The following ZFAT variants were observed in gnomAD, a reference collection of about 807,000 sequenced individuals.
The protein encoded by ZFAT is zinc finger and AT-hook domain containing.
ZFAT carries 64 observed loss-of-function variants against 117.7 expected under a neutral mutation model. The observed-to-expected ratio is 0.54, with a 90% confidence interval of 0.44 to 0.67. The LOEUF (loss-of-function observed/expected upper bound fraction) is 0.67. Ranked by LOEUF, ZFAT falls within the 30% of genes least tolerant of loss-of-function variation. The pLI is 0.00. For missense variants in ZFAT, 1,433 were observed against 1,584.5 expected (o/e 0.90, Z 1.62); for synonymous variants, 679 against 615.0 (o/e 1.10, Z -1.54).
At chr8:134,782,868 G>C in the ZFAT span, among the ~76,000 whole-genome samples, 1 of 151,868 alleles carries the variant, frequency 6.6e-6, no homozygotes, top group Non-Finnish European at 1.5e-5. Context: ...CTCTTTTTAA[G>C]AAACAAAAAT....
intron 1 of ZFAT, among the ~76,000 whole-genome samples, chr8:134,703,295 A>T (rs1469863736): frequency 2.6e-5 from 4 of 152,220 alleles, no homozygotes; most frequent in African/African-American, 9.7e-5. Flanking sequence ...ATTTTTATAC[A>T]TTCTTCTGTT....
At chr8:134,755,409 C>CAA in the ZFAT span, among the ~76,000 whole-genome samples, 7 of 55,170 alleles carry the variant, frequency 1.3e-4, no homozygotes, top group South Asian at 6.6e-4. Context: ...GACTCTGTCT[C>CAA]AAAAAAAAAA....
intron 2 of ZFAT, among the ~76,000 whole-genome samples, chr8:134,653,950 C>T (rs185154524): frequency 1.6e-3 from 244 of 152,260 alleles, no homozygotes; most frequent in African/African-American, 5.6e-3. Context: ...ACTTGGAGAG[C>T]AGTTAGAAAA....
intron 15 of ZFAT, among the ~76,000 whole-genome samples, chr8:134,503,531 G>T (rs1296532363): frequency 6.6e-6 from 1 of 152,122 alleles, no homozygotes; most frequent in East Asian, 1.9e-4. Context: ...CAGATATTCG[G>T]TCATACATTA....
intron 3 of ZFAT, among the ~76,000 whole-genome samples, chr8:134,615,350 C>T (rs1173065986): frequency 6.6e-6 from 1 of 152,122 alleles, no homozygotes; most frequent in South Asian, 2.1e-4. Flanking sequence ...TCCCATCCAG[C>T]TGATTTTTGT....
At chr8:134,630,907 T>C (rs1013053683) in intron 3 of ZFAT, among the ~76,000 whole-genome samples, 3 of 152,248 alleles carry the variant, frequency 2.0e-5, no homozygotes, top group African/African-American at 7.2e-5. Flanking sequence ...TAGACTGCTC[T>C]TGACAGAGCA....
chr8:134,648,809 C>A (rs1413692775), intron 2 of ZFAT, among the ~76,000 whole-genome samples: 1 of 151,942 alleles, frequency 6.6e-6, no homozygotes, highest in African/African-American at 2.4e-5. Context: ...TACCCTGAAA[C>A]CAAAACCAAA....
chr8:134,508,152 T>C (rs1261607223), intron 15 of ZFAT, among the ~76,000 whole-genome samples: 5 of 152,238 alleles, frequency 3.3e-5, no homozygotes, highest in African/African-American at 4.8e-5. Context: ...AACATTCATC[T>C]AGATATGCTA....
At chr8:134,824,683 TTCA>T in the ZFAT span, among the ~76,000 whole-genome samples, 12 of 152,342 alleles carry the variant, frequency 7.9e-5, no homozygotes, top group Admixed American at 6.5e-4. Flanking sequence ...CTAGTAGTTG[TTCA>T]TCAATTACAG....
In ZFAT at chr8:134,582,378, C is replaced by T. The variant is rs147764719; in HGVS notation, c.2887+1454G>A. Among the ~76,000 whole-genome samples the T allele has an allele frequency of 4.5e-3, 690 of 152,346 alleles. 3 individuals are homozygous for T. The highest frequency in any genetic ancestry group is 0.02 in the South Asian group (96 of 4,830). ...TACTGGATACTCCAGGCTTCCCTGCCTCTGGGGACAGCTGCTCTTCATTAC... is the reference window on the plus strand; with the variant it reads ...TACTGGATACTCCAGGCTTCCCTGCTTCTGGGGACAGCTGCTCTTCATTAC... On this transcript the variant is annotated intron_variant, in intron 10 of 15. Transcript: ENST00000377838.
intron 5 of ZFAT, among the ~76,000 whole-genome samples, chr8:134,605,373 C>T (rs1472195045): frequency 5.9e-5 from 9 of 151,962 alleles, no homozygotes; most frequent in African/African-American, 2.2e-4. Flanking sequence ...GGTGAAACCC[C>T]GTCTCTACTA....
At chr8:134,526,762 G>T (rs1053416040) in intron 12 of ZFAT, among the ~76,000 whole-genome samples, 8 of 152,166 alleles carry the variant, frequency 5.3e-5, no homozygotes, top group African/African-American at 1.9e-4. Context: ...GCTCAGGTAA[G>T]CCAAAGCTTC....
At chr8:134,500,224 A>C (rs1032740505) in intron 15 of ZFAT, among the ~76,000 whole-genome samples, 5 of 152,250 alleles carry the variant, frequency 3.3e-5, no homozygotes, top group African/African-American at 1.2e-4. Context: ...GCCTTGGCTA[A>C]GGACATGGGT....
At chr8:134,685,512 A>C (rs781487273) in intron 1 of ZFAT, among the ~76,000 whole-genome samples, 15 of 152,212 alleles carry the variant, frequency 9.9e-5, no homozygotes, top group Non-Finnish European at 1.6e-4. Flanking sequence ...AATTTACTAC[A>C]GCAATTCATT....
intron 2 of ZFAT, among the ~76,000 whole-genome samples, chr8:134,652,253 C>CGA (rs772490923): frequency 6.6e-6 from 1 of 152,130 alleles, no homozygotes; most frequent in Non-Finnish European, 1.5e-5. Context: ...GGCAAATGAG[C>CGA]GAGACTCTGT....
At chr8:134,537,935 G>A (rs1821958321) in intron 11 of ZFAT, among the ~76,000 whole-genome samples, 1 of 152,132 alleles carries the variant, frequency 6.6e-6, no homozygotes, top group Non-Finnish European at 1.5e-5. Context: ...GGCAAGGAAG[G>A]CCACCAGCAA....
intron 1 of ZFAT, among the ~76,000 whole-genome samples, chr8:134,661,174 G>A (rs1329830017): frequency 1.3e-5 from 2 of 152,262 alleles, no homozygotes; most frequent in East Asian, 3.8e-4. Flanking sequence ...CTGCAGGGCA[G>A]TGAAACTCCA....
chr8:134,735,860 C>T, the ZFAT span, among the ~76,000 whole-genome samples: 60 of 152,042 alleles, frequency 3.9e-4, no homozygotes, highest in South Asian at 4.2e-3. Context: ...GCTAGTGTTA[C>T]GCAAAATAAA....
intron 1 of ZFAT, among the ~76,000 whole-genome samples, 185 bp downstream of exon 1, chr8:134,712,660 T>C (rs1406490314): frequency 2.8e-5 from 4 of 140,836 alleles, no homozygotes; most frequent in Non-Finnish European, 4.5e-5. Context: ...CCCCAGCGAC[T>C]GAACGTGAGC....
Sources: gnomAD v4.1 joint callset for allele counts (sites outside exome capture counted in the v4.1 genomes callset) on GRCh38, gnomAD v4.1.1 for gene constraint, MANE v1.5 for transcripts, NCBI Gene and HGNC (gene_info 2026-07-23, HGNC 2026-07-21) for gene names.